Variants in PYGB observed in about 807,000 individuals in gnomAD.
PYGB encodes the protein glycogen phosphorylase, brain form.
A neutral mutation model predicts 94.3 loss-of-function variants in PYGB; 82 were observed. The observed-to-expected ratio is 0.87, with a 90% CI of 0.73 to 1.04. The LOEUF is 1.04. PYGB is among the 50% of genes least tolerant of loss of function. PYGB has a pLI of 0.00. For synonymous variants in PYGB, 488 were observed against 479.1 expected, an observed-to-expected ratio of 1.02 and a Z score of -0.24; for missense variants, 1,132 against 1,158.2, an observed-to-expected ratio of 0.98 and a Z score of 0.33.
chr20:25,252,431 T>C (rs1015435257), intron 1 of PYGB, among the ~76,000 whole-genome samples: 2 of 152,202 alleles, frequency 1.3e-5, no homozygotes, highest in African/African-American at 4.8e-5. Context: ...TCTGATGCTG[T>C]CTACCTAGAT....
chr20:25,294,315 G>A (rs13042337), intron 18 of PYGB, 23 bp downstream of exon 18: 400,774 of 1,501,678 alleles, frequency 0.27, 59,274 homozygotes, highest in Middle Eastern at 0.34. Flanking sequence ...TCCCTGGTTG[G>A]GTGGCTGGGA....
At chr20:25,288,216 T>C in intron 14 of PYGB, 1 of 701,998 alleles carries the variant, frequency 1.4e-6, no homozygotes, top group South Asian at 1.5e-5. Context: ...CAGGGTGGCC[T>C]CACTCCCTTG....
In PYGB at chr20:25,248,099, A is replaced by G; in HGVS notation, c.-80A>G. On this transcript the variant is annotated 5_prime_UTR_variant, in exon 1 of 20. Coordinates refer to ENST00000216962, the MANE Select transcript of PYGB (RefSeq NM_002862.4). ...TGCCGGGCGCCAGAGCAGCGGCGCC[A>G]GAGCAGCTGCACCATCCCGGCGTTC... 1 of 1,358,192 alleles carries G rather than the reference A, an allele frequency of 7.4e-7. No homozygotes were observed. The highest frequency in any genetic ancestry group is 2.7e-4 in the Middle Eastern group (1 of 3,656). The allele number at this position is 1,358,192 out of a possible 1,614,324, so 84.1% of individuals were successfully genotyped here.
intron 7 of PYGB, among the ~76,000 whole-genome samples, 175 bp from the exon 8 acceptor site, chr20:25,278,144 C>T (rs1600732746): frequency 6.6e-6 from 1 of 152,206 alleles, no homozygotes; most frequent in African/African-American, 2.4e-5. Flanking sequence ...GTCCCACAGG[C>T]GGGGTTACCT....
chr20:25,251,412 G>A (rs952777815), intron 1 of PYGB: 2 of 152,224 alleles, frequency 1.3e-5, no homozygotes, highest in Non-Finnish European at 2.9e-5. Flanking sequence ...AGCTGGTGAT[G>A]TTTCCGAAGT....
rs1426290269 is a variant in PYGB, at chr20:25,281,011, G to A, written c.1302G>A (p.Glu434=). 7 of 1,614,210 alleles carry A rather than the reference G, an allele frequency of 4.3e-6. No individual in the cohort carries two copies. The highest frequency in any genetic ancestry group is 1.3e-5 in the African/African-American group (1 of 75,044). ...DRLRRMSVIE[E]GDCKRINMAH... ...TGCGCAGGATGTCTGTGATCGAGGA[G>A]GGGGACTGCAAGCGGATCAACATGG... Residue 434 remains glutamate (E), a synonymous_variant, in exon 11 of 20, where the codon GAG becomes GAA. Transcript: ENST00000216962.
intron 15 of PYGB, chr20:25,289,822 C>G: frequency 1.9e-6 from 1 of 533,386 alleles, no homozygotes; most frequent in South Asian, 1.4e-5. Context: ...ATGATGTTTT[C>G]CACCAGAACC....
chr20:25,280,916 GC>G, intron 10 of PYGB, 32 bp from the exon 11 acceptor site: 2 of 1,609,176 alleles, frequency 1.2e-6, no homozygotes, highest in Non-Finnish European at 1.7e-6. Context: ...GGCCTCCTGT[GC>G]CCACCCACCT....
chr20:25,289,959 CT>C (rs1568698274), intron 15 of PYGB: 1 of 533,424 alleles, frequency 1.9e-6, no homozygotes, highest in Non-Finnish European at 3.8e-6. Context: ...GCCCAGTTGT[CT>C]TTGTAAAGTA....
At chr20:25,294,084 C>G (rs1271521192) in intron 17 of PYGB, 74 bp from the exon 18 acceptor site, 7 of 1,571,826 alleles carry the variant, frequency 4.5e-6, no homozygotes, top group Non-Finnish European at 5.2e-6. Context: ...CTGTGCCAGG[C>G]ACCAACATGG....
Position 25,292,464 on chromosome 20 carries a change from C to T in PYGB, c.2028C>T (p.Gly676=), listed in dbSNP as rs2088477226. Residue 676 remains glycine, a synonymous_variant, in exon 17 of 20, where the codon GGC becomes GGT. Transcript: ENST00000216962. ...QISTAGTEAS[G]TGNMKFMLNG... is the part of the protein sequence containing the mutation. The stretch of plus-strand genomic sequence containing the variant: ...CCACTGCAGGCACCGAGGCCTCAGG[C>T]ACAGGCAACATGAAGTTCATGCTCA... The T allele has an allele frequency of 6.2e-7, 1 of 1,613,628 alleles. No individual in the cohort carries two copies. Among genetic ancestry groups the T allele is most frequent in the East Asian group, 2.2e-5 (1 of 44,880 alleles).
At chr20:25,254,323 T>C (rs1173668132) in intron 1 of PYGB, among the ~76,000 whole-genome samples, 2 of 152,198 alleles carry the variant, frequency 1.3e-5, no homozygotes, top group African/African-American at 4.8e-5. Context: ...GGGAGAACTT[T>C]AGAAGTCTTT....
chr20:25,282,200 G>A (rs112103203), intron 12 of PYGB, 53 bp downstream of exon 12: 7 of 1,439,154 alleles, frequency 4.9e-6, no homozygotes, highest in Non-Finnish European at 6.7e-6. Flanking sequence ...TGAGAACCGC[G>A]GGCCATGTCA....
chr20:25,251,146 T>A (rs1471437910), intron 1 of PYGB: 1 of 152,220 alleles, frequency 6.6e-6, no homozygotes, highest in Non-Finnish European at 1.5e-5. Context: ...CATGGAGAGC[T>A]TTGTGCTTGG....
At chr20:25,249,347 T>A (rs1035541201) in intron 1 of PYGB, among the ~76,000 whole-genome samples, 1 of 152,250 alleles carries the variant, frequency 6.6e-6, no homozygotes, top group Non-Finnish European at 1.5e-5. Context: ...TACATGGTAG[T>A]CTTGCACAGC....
rs186890555 is a variant in PYGB at position 25,267,982 on chromosome 20, A to G, written c.346-1147A>G. Among the ~76,000 whole-genome samples, 37 of 152,286 alleles carry G rather than the reference A, an allele frequency of 2.4e-4. 1 individual carries two copies. The highest frequency in any genetic ancestry group is 8.2e-4 in the African/African-American group (34 of 41,556). On this transcript the variant is annotated intron_variant, in intron 2 of 19. Transcript: ENST00000216962. ...GTAGCCTATCTTTAGAAAAATATGT[A>G]GAGATTTTTTAAAAATTTAATGGAT...
At chr20:25,280,670 G>A (rs116165394) in intron 10 of PYGB, among the ~76,000 whole-genome samples, 1,910 of 152,336 alleles carry the variant, frequency 0.013, 44 homozygotes, top group African/African-American at 0.041. Flanking sequence ...CAGCAGCCCT[G>A]TGGGTCCCTG....
intron 11 of PYGB, among the ~76,000 whole-genome samples, 193 bp downstream of exon 11, chr20:25,281,305 A>G (rs2088365210): frequency 6.6e-6 from 1 of 152,234 alleles, no homozygotes; most frequent in Non-Finnish European, 1.5e-5. Context: ...TTCACCGACC[A>G]GCACACGGGG....
chr20:25,280,877 T>C (rs1317860990), intron 10 of PYGB, 72 bp from the exon 11 acceptor site: 5 of 1,534,586 alleles, frequency 3.3e-6, no homozygotes, highest in South Asian at 2.4e-5. Flanking sequence ...GAGTGTCCCC[T>C]GGTCATGGGG....
Sources: gnomAD v4.1 joint callset for allele counts (sites outside exome capture counted in the v4.1 genomes callset) on GRCh38, gnomAD v4.1.1 for gene constraint, MANE v1.5 for transcripts, NCBI Gene and HGNC (gene_info 2026-07-23, HGNC 2026-07-21) for gene names.